The following SOX5 variants were observed in gnomAD, a reference collection of about 807,000 sequenced individuals.
SOX5 encodes the protein SRY-box transcription factor 5, also known as transcription factor SOX-5.
Under a neutral mutation model 92.0 loss-of-function variants are expected in SOX5, and 9 were observed. That is an observed-to-expected ratio of 0.10 (90% CI 0.06 to 0.17). The LOEUF (loss-of-function observed/expected upper bound fraction) is 0.17, where lower values mean the gene tolerates loss of function less well. Ranked by LOEUF, SOX5 falls within the 10% of genes least tolerant of loss-of-function variation. SOX5 has a pLI of 1.00. For synonymous variants in SOX5, 344 were observed against 336.3 expected (o/e 1.02, Z -0.25); for missense variants, 642 against 944.5 (o/e 0.68, Z 4.20).
At chr12:23,616,231 A>C (rs1168645897) in intron 8 of SOX5, among the ~76,000 whole-genome samples, 1 of 152,214 alleles carries the variant, frequency 6.6e-6, no homozygotes, top group Non-Finnish European at 1.5e-5. Context: ...CTCAGGACTG[A>C]GACTCTTGGT....
At chr12:24,506,418 A>AAAAG in intron 1 of SOX5, among the ~76,000 whole-genome samples, 1 of 146,850 alleles carries the variant, frequency 6.8e-6, no homozygotes, top group Admixed American at 6.7e-5. Context: ...AAAAAAAAAA[A>AAAAG]AGAGAGAGAG....
chr12:24,221,524 T>A (rs1484801425), intron 3 of SOX5, among the ~76,000 whole-genome samples: 1 of 152,214 alleles, frequency 6.6e-6, no homozygotes, highest in East Asian at 1.9e-4. Flanking sequence ...TTTCAGCTTT[T>A]AAATCTCCAT....
intron 3 of SOX5, among the ~76,000 whole-genome samples, chr12:24,231,923 A>G (rs767240040): frequency 1.3e-5 from 2 of 152,196 alleles, no homozygotes; most frequent in Non-Finnish European, 2.9e-5. Context: ...TTCCTAGAAC[A>G]GTGCTGGATC....
At chr12:23,625,303 A>G (rs1185775968) in intron 8 of SOX5, among the ~76,000 whole-genome samples, 1 of 152,164 alleles carries the variant, frequency 6.6e-6, no homozygotes, top group Non-Finnish European at 1.5e-5. Context: ...AAAACATCTC[A>G]TTCTAATGGG....
chr12:23,702,129 A>G (rs1034496072), intron 6 of SOX5, among the ~76,000 whole-genome samples: 1 of 152,064 alleles, frequency 6.6e-6, no homozygotes, highest in Admixed American at 6.6e-5. Context: ...TTTAAGCGTA[A>G]TAATATATGT....
At chr12:23,686,228 C>T (rs768568040) in intron 6 of SOX5, among the ~76,000 whole-genome samples, 7 of 152,106 alleles carry the variant, frequency 4.6e-5, no homozygotes, top group Non-Finnish European at 8.8e-5. Context: ...AAAGAATGAG[C>T]CAGATATTAA....
chr12:23,551,801 T>C (rs970811600), intron 11 of SOX5, among the ~76,000 whole-genome samples: 2 of 151,814 alleles, frequency 1.3e-5, no homozygotes, highest in African/African-American at 4.8e-5. Context: ...TTTTTCCCTT[T>C]CTGAATTCCC....
In SOX5 at chr12:23,962,506, A is replaced by G. The variant is rs1446554699; in HGVS notation, c.-1-66482T>C. Among the ~76,000 whole-genome samples, 3 of 152,214 alleles carry G rather than the reference A, an allele frequency of 2.0e-5. No homozygotes were observed. In the East Asian group the frequency reaches 5.8e-4, roughly 29 times the overall value. On this transcript the variant is annotated intron_variant, in intron 4 of 4. Coordinates refer to the SOX5 transcript ENST00000446891. ...GGCATACTCCAGGAAAAATACACTGATGAAAGAAACAATGCTGAAATTTAA... is the reference window on the plus strand; with the variant it reads ...GGCATACTCCAGGAAAAATACACTGGTGAAAGAAACAATGCTGAAATTTAA...
rs187102653 is a variant in SOX5, at chr12:23,627,338, G to A, written c.1017+13474C>T. On this transcript the variant is annotated intron_variant, in intron 8 of 14. Transcript: ENST00000451604. ...AGGGATATTTTGTTTTCATAAAGAC[G>A]TTCTGCTTGCATTAAATATGAGGAC... Among the ~76,000 whole-genome samples the A allele has an allele frequency of 4.7e-3, 722 of 152,190 alleles. 4 individuals carry two copies. The highest frequency in any genetic ancestry group is 0.01 in the Middle Eastern group (3 of 294).
chr12:24,445,363 C>CA (rs200931698), intron 1 of SOX5, among the ~76,000 whole-genome samples: 1,827 of 151,478 alleles, frequency 0.012, 38 homozygotes, highest in African/African-American at 0.041. Flanking sequence ...TGAAAGAGAG[C>CA]AAAAAAAGGA....
At chr12:23,791,691 C>A (rs1262423929) in intron 3 of SOX5, among the ~76,000 whole-genome samples, 4 of 152,082 alleles carry the variant, frequency 2.6e-5, no homozygotes, top group Non-Finnish European at 5.9e-5. Context: ...AAGATGAGAT[C>A]TTATAAATTT....
At chr12:23,802,044 G>A (rs1594588239) in intron 3 of SOX5, among the ~76,000 whole-genome samples, 1 of 151,814 alleles carries the variant, frequency 6.6e-6, no homozygotes, top group Non-Finnish European at 1.5e-5. Context: ...CAAACTTTAC[G>A]GAACATTTAA....
At chr12:23,763,609 G>T (rs1271314022) in intron 3 of SOX5, among the ~76,000 whole-genome samples, 1 of 151,900 alleles carries the variant, frequency 6.6e-6, no homozygotes, top group Non-Finnish European at 1.5e-5. Flanking sequence ...TGTATAAAAC[G>T]CCCGTAAACA....
intron 4 of SOX5, among the ~76,000 whole-genome samples, chr12:24,016,553 A>G (rs1953633503): frequency 6.6e-6 from 1 of 152,188 alleles, no homozygotes; most frequent in Non-Finnish European, 1.5e-5. Flanking sequence ...AAAGGTAACA[A>G]GTAGGACAGA....
At chr12:24,086,561 T>C (rs1296781407) in intron 4 of SOX5, among the ~76,000 whole-genome samples, 3 of 151,962 alleles carry the variant, frequency 2.0e-5, no homozygotes. Context: ...AATACACTCA[T>C]GAAGCTAGTC....
At chr12:24,541,796 GAGTAT>G in intron 1 of SOX5, among the ~76,000 whole-genome samples, 1 of 152,180 alleles carries the variant, frequency 6.6e-6, no homozygotes, top group Non-Finnish European at 1.5e-5. Flanking sequence ...TGGTAAGTAA[GAGTAT>G]AGTATAGAAA....
chr12:23,800,360 C>G (rs2095638812), intron 3 of SOX5, among the ~76,000 whole-genome samples: 1 of 152,006 alleles, frequency 6.6e-6, no homozygotes, highest in Non-Finnish European at 1.5e-5. Flanking sequence ...ATTATGTTAA[C>G]CCAATACCCA....
At chr12:23,738,868 G>A (rs1036727845) in intron 5 of SOX5, among the ~76,000 whole-genome samples, 36 of 152,234 alleles carry the variant, frequency 2.4e-4, no homozygotes, top group South Asian at 6.2e-4. Context: ...CAAGCATTCT[G>A]AACTCTTTTA....
chr12:24,294,268 A>C (rs1946947623), intron 2 of SOX5, among the ~76,000 whole-genome samples: 1 of 151,476 alleles, frequency 6.6e-6, no homozygotes, highest in African/African-American at 2.4e-5. Flanking sequence ...CTGCCTCATC[A>C]GTAACTCATG....
Sources: allele counts gnomAD v4.1 joint callset (sites outside exome capture counted in the v4.1 genomes callset), GRCh38; gene constraint gnomAD v4.1.1; transcripts MANE v1.5; gene names NCBI Gene and HGNC (gene_info 2026-07-23, HGNC 2026-07-21).